Variants in PRKCSH observed in about 807,000 individuals in gnomAD.
PRKCSH encodes the protein PRKCSH beta subunit of glucosidase II, also known as glucosidase 2 subunit beta.
In PRKCSH, 42 loss-of-function variants were observed where a neutral mutation model predicts 79.7. The ratio of observed to expected loss-of-function variants is 0.53; its 90% CI spans 0.41 to 0.68. The LOEUF (loss-of-function observed/expected upper bound fraction) is 0.68. Ranked by LOEUF, PRKCSH falls within the 30% of genes least tolerant of loss-of-function variation. The probability of loss-of-function intolerance (pLI) is 0.00; values close to 1 mark genes in which losing one functional copy is unlikely to be tolerated. For synonymous variants in PRKCSH, 325 were observed against 288.2 expected, an observed-to-expected ratio of 1.13 and a Z score of -1.29; for missense variants, 686 against 709.0, an observed-to-expected ratio of 0.97 and a Z score of 0.37.
Position 11,437,936 on chromosome 19 carries a change from A to G in PRKCSH, c.257A>G (p.Tyr86Cys), listed in dbSNP as rs750998229. The G allele has an allele frequency of 4.3e-6, 7 of 1,614,146 alleles. No homozygotes were observed. The highest frequency in any genetic ancestry group is 3.3e-5 in the Admixed American group (2 of 60,006). The change falls in exon 4 of 18, where the codon TAT becomes TGT. Residue 86 changes from tyrosine to cysteine, a missense_variant. By Grantham distance (194) the Tyr-to-Cys change is radical. Coordinates refer to ENST00000677123, the MANE Select transcript of PRKCSH (RefSeq NM_001289104.2). ...HCTNTGYKPL[Y>C]IPSNRVNDGV... ...ACCAACACTGGCTATAAGCCCCTGT[A>G]TATCCCCTCCAACCGGGTCAACGAT... is the stretch of plus-strand genomic sequence containing the variant.
In PRKCSH at chr19:11,436,081, C is replaced by T. The variant is rs1463209927; in HGVS notation, c.-37C>T. ...CATCTCCCCGCTGTAGGCTTCCTCC[C>T]ACAGAACCCGTTTCGGGCCTCAGAG... On this transcript the variant is annotated 5_prime_UTR_variant, in exon 2 of 18. Coordinates refer to ENST00000677123, the MANE Select transcript of PRKCSH (RefSeq NM_001289104.2). The T allele has an allele frequency of 1.2e-5, 19 of 1,604,516 alleles. No homozygotes were observed. The highest frequency in any genetic ancestry group is 1.6e-5 in the Non-Finnish European group (19 of 1,179,376).
intron 7 of PRKCSH, among the ~76,000 whole-genome samples, chr19:11,443,717 T>A (rs1223450502): frequency 6.6e-6 from 1 of 151,804 alleles, no homozygotes; most frequent in African/African-American, 2.4e-5. Context: ...CTAAAAAAAA[T>A]AATAAAGAGC....
chr19:11,437,001 G>A (rs369150573), intron 3 of PRKCSH, among the ~76,000 whole-genome samples: 17 of 152,152 alleles, frequency 1.1e-4, no homozygotes, highest in African/African-American at 3.9e-4. Context: ...GGGGTTACAG[G>A]TGTGAGCCAC....
Position 11,447,728 on chromosome 19 carries a change from C to T in PRKCSH, c.1065C>T (p.Ala355=), listed in dbSNP as rs1461571882. The T allele has an allele frequency of 1.3e-6, 2 of 1,594,350 alleles. No homozygotes were observed. Among genetic ancestry groups the T allele is most frequent in the Non-Finnish European group, 1.7e-6 (2 of 1,170,502 alleles). The change falls in exon 12 of 18, where the codon GCC becomes GCT. Residue 355 remains alanine, a synonymous_variant. Coordinates refer to ENST00000677123, the MANE Select transcript of PRKCSH (RefSeq NM_001289104.2). The surrounding 1 kb of genome is among the most constrained non-coding windows in gnomAD (Gnocchi z 5.6). ...APPPLSPPQP[A]SPAEEDKMPP... ...CGCCACTGTCACCCCCGCAGCCGGC[C>T]AGCCCTGCTGAGGAAGACAAAATGC...
chr19:11,436,325 CAGAGGTGGTATTTGGTGG>C, intron 2 of PRKCSH, 46 bp from the exon 3 acceptor site: 1 of 1,575,076 alleles, frequency 6.3e-7, no homozygotes, highest in Non-Finnish European at 8.7e-7. Flanking sequence ...GATGGGAGGA[CAGAGGTGGTATTTGGTGG>C]AGAAGGCGCT....
rs1305554047 is a variant in PRKCSH, at chr19:11,447,373, G to T, written c.850-66G>T. On this transcript the variant is annotated intron_variant, in intron 10 of 17. Coordinates refer to ENST00000677123, the MANE Select transcript of PRKCSH (RefSeq NM_001289104.2). This position sits in a 1 kb window ranked among gnomAD's most constrained non-coding sequence, Gnocchi z 5.6. ...ACACCGAGGCTGCCCCTTGGGCTGT[G>T]GTGTGAGCCTGAGGGTGTGGGTGGA... The T allele has an allele frequency of 1.3e-6, 2 of 1,547,774 alleles. No individual in the cohort carries two copies. The highest frequency in any genetic ancestry group is 2.7e-5 in the African/African-American group (2 of 73,650).
chr19:11,446,615 T>G (rs1970315994), intron 9 of PRKCSH, among the ~76,000 whole-genome samples: 1 of 59,038 alleles, frequency 1.7e-5, no homozygotes, highest in Non-Finnish European at 3.2e-5. Context: ...ACCCCTGTCC[T>G]GCCCTATTCC....
Position 11,436,427 on chromosome 19 carries a change from C to T in PRKCSH, c.118C>T (p.Leu40=), listed in dbSNP as rs1034713294. ...FYDESKPFTC[L]DGSATIPFDQ... is the part of the protein sequence containing the mutation. ...CGATGAGTCCAAGCCTTTCACCTGCCTGGACGGTTCGGCCACCATCCCATT... is the reference window on the plus strand; with the variant it reads ...CGATGAGTCCAAGCCTTTCACCTGCTTGGACGGTTCGGCCACCATCCCATT... Residue 40 remains leucine, a synonymous_variant, in exon 3 of 18, where the codon CTG becomes TTG. Transcript: ENST00000677123. 2.5e-6 allele frequency: 4 copies of T among 1,614,190 alleles called. No homozygotes were observed. The highest frequency in any genetic ancestry group is 2.5e-6 in the Non-Finnish European group (3 of 1,180,032).
chr19:11,440,829 ATTTGT>A (rs1275128165), intron 5 of PRKCSH, among the ~76,000 whole-genome samples: 1 of 150,510 alleles, frequency 6.6e-6, no homozygotes, highest in Admixed American at 6.6e-5. Flanking sequence ...TGGTTTTTTT[ATTTGT>A]TTTAATTATG....
intron 5 of PRKCSH, among the ~76,000 whole-genome samples, chr19:11,439,480 G>T (rs921001639): frequency 2.0e-5 from 3 of 150,732 alleles, no homozygotes; most frequent in African/African-American, 7.3e-5. Context: ...TACTGGTTGG[G>T]CATGTGGCTC....
rs1970398335 is a variant in PRKCSH, at chr19:11,447,914, T to C, written c.1126+125T>C. ...CTCGGCCAGCACAAGCCCCAGTATC[T>C]TGGGGAGTCCAGGAAGGGGGCCTAG... On this transcript the variant is annotated intron_variant, in intron 12 of 17. Transcript: ENST00000677123. This position sits in a 1 kb window ranked among gnomAD's most constrained non-coding sequence, Gnocchi z 5.6. 4 of 1,192,872 alleles carry C rather than the reference T, an allele frequency of 3.4e-6. No homozygotes were observed. Among genetic ancestry groups the C allele is most frequent in the Non-Finnish European group, 4.6e-6 (4 of 866,042 alleles). 73.9% of individuals were successfully genotyped at this position (1,192,872 alleles called of 1,614,324 possible).
intron 7 of PRKCSH, among the ~76,000 whole-genome samples, chr19:11,445,069 C>T (rs1417057334): frequency 6.6e-6 from 1 of 152,170 alleles, no homozygotes; most frequent in East Asian, 1.9e-4. Context: ...TCTGTCCCAA[C>T]AGTGGCCTGA....
intron 5 of PRKCSH, among the ~76,000 whole-genome samples, chr19:11,440,257 C>T (rs889402655): frequency 1.2e-4 from 18 of 150,798 alleles, no homozygotes; most frequent in African/African-American, 4.1e-4. Flanking sequence ...ATGCCATTCT[C>T]CTGCCTCAGC....
rs1969766569 is a variant in PRKCSH at position 11,436,714 on chromosome 19, C to T, written c.196+209C>T. 7.1e-6 allele frequency: 4 copies of T among 563,036 alleles called. No homozygotes were observed. In the East Asian group the frequency reaches 1.3e-4, roughly 18 times the overall value. The allele number at this position is 563,036 out of a possible 1,614,324, so 34.9% of individuals were successfully genotyped here. On this transcript the variant is annotated intron_variant, in intron 3 of 17. Transcript: ENST00000677123. ...CAAGCCTCGGGGTCAGAGAAGGCTC[C>T]TCCAAGGAGGTGAGGTTTCAGTTGA...
intron 8 of PRKCSH, among the ~76,000 whole-genome samples, chr19:11,446,006 G>T (rs1020309539): frequency 6.6e-6 from 1 of 152,026 alleles, no homozygotes; most frequent in Admixed American, 6.6e-5. Context: ...GGTGGAAGGA[G>T]GTGCCACCTG....
Position 11,447,014 on chromosome 19 carries a change from G to A in PRKCSH, c.763-60G>A. ...CTGGCACCGCAGCCCGGGTGCCGGG[G>A]TGGCCGAGATGGGGGACACGTGGTG... On this transcript the variant is annotated intron_variant, in intron 9 of 17. Coordinates refer to ENST00000677123, the MANE Select transcript of PRKCSH (RefSeq NM_001289104.2). The surrounding 1 kb of genome is among the most constrained non-coding windows in gnomAD (Gnocchi z 5.6). The A allele has an allele frequency of 6.4e-7, 1 of 1,570,604 alleles. No individual in the cohort carries two copies. Among genetic ancestry groups the A allele is most frequent in the Non-Finnish European group, 8.8e-7 (1 of 1,140,718 alleles).
intron 1 of PRKCSH, 121 bp from the exon 2 acceptor site, chr19:11,435,920 C>T (rs1008819088): frequency 6.2e-5 from 56 of 903,424 alleles, no homozygotes; most frequent in Non-Finnish European, 9.6e-5. Context: ...TTGGGGAGAT[C>T]GCTGCCCCTC....
At chr19:11,444,102 C>T (rs1279427956) in intron 7 of PRKCSH, among the ~76,000 whole-genome samples, 9 of 152,232 alleles carry the variant, frequency 5.9e-5, no homozygotes, top group African/African-American at 1.9e-4. Flanking sequence ...TATTTCCCTT[C>T]TTCATTTGTT....
At chr19:11,441,412 T>C (rs1429575978) in intron 6 of PRKCSH, 55 bp downstream of exon 6, 7 of 1,546,154 alleles carry the variant, frequency 4.5e-6, no homozygotes, top group Non-Finnish European at 6.3e-6. Context: ...GGCCTCATAG[T>C]GTGGGCTTGC....
Sources: allele counts gnomAD v4.1 joint callset (sites outside exome capture counted in the v4.1 genomes callset), GRCh38; gene constraint gnomAD v4.1.1; non-coding constraint Gnocchi (gnomAD v3.1); transcripts MANE v1.5; gene names NCBI Gene and HGNC (gene_info 2026-07-23, HGNC 2026-07-21).